CRTC1: variants seen among roughly 807,000 people sequenced by gnomAD.
CRTC1 encodes the protein CREB regulated transcription coactivator 1, also known as CREB-regulated transcription coactivator 1.
Under a neutral mutation model 66.1 loss-of-function variants are expected in CRTC1, and 18 were observed. The observed-to-expected ratio is 0.27, with a 90% CI of 0.19 to 0.40. CRTC1 has a LOEUF of 0.40. Among genes scored for constraint, CRTC1 ranks in the 10% least tolerant of loss-of-function variants. The probability of loss-of-function intolerance (pLI) is 1.00; values close to 1 mark genes in which losing one functional copy is unlikely to be tolerated. For synonymous variants in CRTC1, 416 were observed against 398.8 expected, an observed-to-expected ratio of 1.04 and a Z score of -0.51; for missense variants, 669 against 887.9, an observed-to-expected ratio of 0.75 and a Z score of 3.13.
At chr19:18,761,792 A>G (rs1406858589) in intron 8 of CRTC1, among the ~76,000 whole-genome samples, 1 of 152,080 alleles carries the variant, frequency 6.6e-6, no homozygotes, top group Non-Finnish European at 1.5e-5. Context: ...AGGGGCGTGG[A>G]GGGTGGCGTG....
intron 6 of CRTC1, 83 bp downstream of exon 6, chr19:18,753,668 GT>G (rs1378842634): frequency 6.1e-5 from 62 of 1,016,190 alleles, no homozygotes; most frequent in Non-Finnish European, 1.5e-5. Flanking sequence ...AAAATGGCAG[GT>G]TGGGGTGGCT....
Position 18,768,816 on chromosome 19 carries a change from C to G in CRTC1, c.1320+23C>G. 2 of 1,576,254 alleles carry G rather than the reference C, an allele frequency of 1.3e-6. No homozygotes were observed. The highest frequency in any genetic ancestry group is 1.4e-5 in the African/African-American group (1 of 73,860). On this transcript the variant is annotated intron_variant, in intron 10 of 13. Transcript: ENST00000321949. The surrounding 1 kb of genome is among the most constrained non-coding windows in gnomAD (Gnocchi z 5.6). Reference sequence around the variant, plus strand: ...TCGGTAAGCCCAGGGTGGGGTCCCTCGGGGCCTGACTGGGGGTCTTGTAGA... The same window carrying G: ...TCGGTAAGCCCAGGGTGGGGTCCCTGGGGGCCTGACTGGGGGTCTTGTAGA...
intron 1 of CRTC1, among the ~76,000 whole-genome samples, chr19:18,735,009 C>G (rs61447117): frequency 0.24 from 36,134 of 152,166 alleles, 4,700 homozygotes; most frequent in African/African-American, 0.34. Flanking sequence ...GGCGAGGCGT[C>G]CGGGCAGAAA....
In CRTC1 at chr19:18,768,588, C is replaced by T. The variant is rs2054788226; in HGVS notation, c.1115C>T (p.Pro372Leu). ...QPPPQPQPPP[P>L]PPPASQQPPP... ...CCGCCGCAGCCCCAGCCCCCGCCGC[C>T]TCCTCCACCCGCGTCCCAGCAGCCA... Residue 372 changes from proline (P) to leucine (L), a missense_variant, in exon 10 of 14, where the codon CCT (proline) becomes CTT (leucine). Pro to Leu is a moderately conservative substitution (Grantham distance 98). This residue lies in a region of CRTC1 where 241 missense variants were observed against 242.2 expected (regional missense o/e 0.99). Coordinates refer to ENST00000321949, the MANE Select transcript of CRTC1 (RefSeq NM_015321.3). This position sits in a 1 kb window ranked among gnomAD's most constrained non-coding sequence, Gnocchi z 5.6. The T allele has an allele frequency of 6.4e-7, 1 of 1,567,694 alleles. No individual in the cohort carries two copies. Among genetic ancestry groups the T allele is most frequent in the African/African-American group, 1.4e-5 (1 of 73,810 alleles).
Position 18,763,786 on chromosome 19 carries a change from C to T in CRTC1, c.887-1618C>T, listed in dbSNP as rs376880441. On this transcript the variant is annotated intron_variant, in intron 8 of 13. Coordinates refer to ENST00000321949, the MANE Select transcript of CRTC1 (RefSeq NM_015321.3). ...CATCCATACCCTCACACGCTCCTGA[C>T]GTTTGCCCCTACTTTGTACCGAGCC... Among the ~76,000 whole-genome samples, 13 of 152,332 alleles carry T rather than the reference C, an allele frequency of 8.5e-5. No individual in the cohort carries two copies. In the East Asian group the frequency reaches 1.2e-3, roughly 14 times the overall value.
chr19:18,768,435 A>C lies in CRTC1; in HGVS notation c.1012-50A>C, dbSNP rs749963721. 5 of 1,527,316 alleles carry C rather than the reference A, an allele frequency of 3.3e-6. No individual in the cohort carries two copies. In the Admixed American group the frequency reaches 6.9e-5, roughly 21 times the overall value. The allele number at this position is 1,527,316 out of a possible 1,614,324, so 94.6% of individuals were successfully genotyped here. ...CAGGCTATGGGGGCCCGAGGGGGCC[A>C]GGCGCTGACAACCAGGGCCCGCCCT... On this transcript the variant is annotated intron_variant, in intron 9 of 13. Coordinates refer to ENST00000321949, the MANE Select transcript of CRTC1 (RefSeq NM_015321.3). The surrounding 1 kb of genome is among the most constrained non-coding windows in gnomAD (Gnocchi z 5.6).
At chr19:18,723,480 G>A (rs942134277) in intron 1 of CRTC1, among the ~76,000 whole-genome samples, 2 of 152,210 alleles carry the variant, frequency 1.3e-5, no homozygotes, top group Non-Finnish European at 2.9e-5. Context: ...GATGAAGGGT[G>A]GGTGTCTGTG....
intron 1 of CRTC1, among the ~76,000 whole-genome samples, chr19:18,699,759 G>A (rs1020273805): frequency 1.3e-5 from 2 of 152,182 alleles, no homozygotes; most frequent in Non-Finnish European, 2.9e-5. Flanking sequence ...AGGGTGAGGG[G>A]TTGAGATCTG....
chr19:18,763,551 C>T (rs997280555), intron 8 of CRTC1, among the ~76,000 whole-genome samples: 2 of 152,194 alleles, frequency 1.3e-5, no homozygotes, highest in African/African-American at 4.8e-5. Flanking sequence ...CCGGACAACG[C>T]GTTTTTTCAG....
intron 1 of CRTC1, among the ~76,000 whole-genome samples, chr19:18,732,979 C>T (rs958761355): frequency 4.0e-5 from 6 of 151,538 alleles, no homozygotes; most frequent in African/African-American, 9.7e-5. Flanking sequence ...CCCAACTACT[C>T]GGGAGGCTGA....
chr19:18,743,806 C>T (rs983064941), intron 2 of CRTC1, among the ~76,000 whole-genome samples: 1 of 152,254 alleles, frequency 6.6e-6, no homozygotes, highest in Non-Finnish European at 1.5e-5. Context: ...GCGCCTCCTC[C>T]GGCATACAGA....
At position 18,777,320 on chromosome 19, in the gene CRTC1, G is replaced by C; in HGVS notation, c.1843G>C (p.Asp615His). Reference protein sequence around the residue: ...LTLDGLHMLNDPDMVLADPAT... With the variant: ...LTLDGLHMLNHPDMVLADPAT... ...CCTCGACGGACTGCACATGCTCAAC[G>C]ACCCCGACATGGTTCTGGCCGACCC... The change falls in exon 14 of 14, where the codon GAC (aspartate) becomes CAC (histidine). Residue 615 changes from aspartate (D) to histidine (H), a missense_variant. Physicochemically the swap from Asp to His is moderately conservative, Grantham distance 81 (BLOSUM62 -1). Transcript: ENST00000321949. The surrounding 1 kb of genome is among the most constrained non-coding windows in gnomAD (Gnocchi z 5.5). 6.2e-7 allele frequency: 1 copy of C among 1,610,972 alleles called. No individual in the cohort carries two copies. The highest frequency in any genetic ancestry group is 8.5e-7 in the Non-Finnish European group (1 of 1,179,984).
At chr19:18,722,117 C>T (rs1600842382) in intron 1 of CRTC1, among the ~76,000 whole-genome samples, 1 of 152,238 alleles carries the variant, frequency 6.6e-6, no homozygotes, top group African/African-American at 2.4e-5. Flanking sequence ...TATGCATCCG[C>T]TGACTAAGTT....
At chr19:18,698,974 C>T (rs553938973) in intron 1 of CRTC1, among the ~76,000 whole-genome samples, 2 of 152,018 alleles carry the variant, frequency 1.3e-5, no homozygotes, top group East Asian at 3.9e-4. Context: ...AGCAGGTACT[C>T]AGCAGGCGTA....
chr19:18,715,428 A>G (rs1194737899), intron 1 of CRTC1, among the ~76,000 whole-genome samples: 2 of 152,154 alleles, frequency 1.3e-5, no homozygotes, highest in Admixed American at 1.3e-4. Flanking sequence ...GGCCCTTGCC[A>G]TTGGATTAGG....
Position 18,771,945 on chromosome 19 carries a change from C to T in CRTC1, c.1425+399C>T, listed in dbSNP as rs894352929. On this transcript the variant is annotated intron_variant, in intron 11 of 13. Transcript: ENST00000321949. This position sits in a 1 kb window ranked among gnomAD's most constrained non-coding sequence, Gnocchi z 4.6. ...GGGGGTGCAGCTGAGGTGGCTGGCC[C>T]GCCCGCAGGGAAGGCGCTGACTCTG... Among the ~76,000 whole-genome samples, 4 of 152,180 alleles carry T rather than the reference C, an allele frequency of 2.6e-5. No homozygotes were observed. The highest frequency in any genetic ancestry group is 9.7e-5 in the African/African-American group (4 of 41,438).
intron 1 of CRTC1, among the ~76,000 whole-genome samples, 156 bp from the exon 2 acceptor site, chr19:18,742,754 C>T (rs1316589339): frequency 6.6e-6 from 1 of 152,240 alleles, no homozygotes; most frequent in Non-Finnish European, 1.5e-5. Context: ...GGAGGGACAC[C>T]TGGTTTCCTT....
At position 18,753,516 on chromosome 19, in the gene CRTC1, C is replaced by T. The variant is rs772569346; in HGVS notation, c.555C>T (p.Val185=). The change falls in exon 6 of 14, where the codon GTC becomes GTT. Residue 185 remains valine, a synonymous_variant. Transcript: ENST00000321949. ...VHQKRVLLLT[V]PGMEETTSEA... ...CCTCCCCAGTCTTACTGTTAACAGT[C>T]CCAGGAATGGAAGAGACCACATCAG... The T allele has an allele frequency of 6.2e-7, 1 of 1,611,808 alleles. No homozygotes were observed. Among genetic ancestry groups the T allele is most frequent in the South Asian group, 1.1e-5 (1 of 90,742 alleles).
intron 8 of CRTC1, among the ~76,000 whole-genome samples, chr19:18,762,977 C>CCACAT (rs2054647982): frequency 2.6e-5 from 4 of 152,362 alleles, no homozygotes; most frequent in Admixed American, 6.5e-5. Context: ...ACGTTTCTGA[C>CCACAT]AACAGCAAAC....
Sources: gnomAD v4.1 joint callset for allele counts (sites outside exome capture counted in the v4.1 genomes callset) on GRCh38, gnomAD v4.1.1 for gene constraint, gnomAD v4.1.1 regional missense constraint, Gnocchi (gnomAD v3.1) non-coding constraint, MANE v1.5 for transcripts, NCBI Gene and HGNC (gene_info 2026-07-23, HGNC 2026-07-21) for gene names.